LMO3: variants seen among roughly 807,000 people sequenced by gnomAD.
LMO3 encodes the protein LIM domain only protein 3.
Under a neutral mutation model 15.8 loss-of-function variants are expected in LMO3, and 2 were observed. The ratio of observed to expected loss-of-function variants is 0.13; its 90% CI spans 0.05 to 0.40. The LOEUF (loss-of-function observed/expected upper bound fraction) is 0.40. Among genes scored for constraint, LMO3 ranks in the 10% least tolerant of loss-of-function variants. The pLI, the probability that LMO3 is intolerant of heterozygous loss-of-function variation, is 0.99. For synonymous variants in LMO3, 62 were observed against 63.8 expected (o/e 0.97, Z 0.13); for missense variants, 86 against 182.2 (o/e 0.47, Z 3.04).
In LMO3 at chr12:16,549,617, C is replaced by G. The variant is rs1464386884; in HGVS notation, c.*1605G>C. 6.6e-6 allele frequency: 1 copy of G among 152,256 alleles called. No individual in the cohort carries two copies. The highest frequency in any genetic ancestry group is 2.4e-5 in the African/African-American group (1 of 41,362). 9.4% of individuals were successfully genotyped at this position (152,256 alleles called of 1,614,324 possible). On this transcript the variant is annotated 3_prime_UTR_variant, in exon 4 of 4. Transcript: ENST00000537304. ...AAATAACACTGGAAAATATTGTTTC[C>G]TATACAAGTGATCAAGAAAAAAACA...
chr12:16,609,793 AC>A (rs1265561644), upstream of LMO3: 1 of 152,170 alleles, frequency 6.6e-6, no homozygotes, highest in Non-Finnish European at 1.5e-5. Context: ...ATTTCTAAAC[AC>A]GTCTTCAAGT....
At chr12:16,558,878 G>C (rs1242743724) in intron 3 of LMO3, among the ~76,000 whole-genome samples, 2 of 152,134 alleles carry the variant, frequency 1.3e-5, no homozygotes, top group African/African-American at 4.8e-5. Context: ...TTTCATTTAA[G>C]TTTCAAACTC....
At chr12:16,552,142 G>T (rs925012506) in intron 3 of LMO3, among the ~76,000 whole-genome samples, 3 of 151,910 alleles carry the variant, frequency 2.0e-5, no homozygotes, top group Non-Finnish European at 2.9e-5. Context: ...ATTTCCCCAC[G>T]GTGACACTTT....
rs772986612 is a variant in LMO3, at chr12:16,584,540, A to T, written c.206+16115T>A. ...AAATATACAGAGAATGAGGAAAGGA[A>T]TGGAAACAAGAGACGTTTTAGATTA... On this transcript the variant is annotated intron_variant, in intron 2 of 3. Transcript: ENST00000537304. This position sits in a 1 kb window ranked among gnomAD's most constrained non-coding sequence, Gnocchi z 5.2. 1.2e-4 allele frequency among the ~76,000 whole-genome samples: 19 copies of T among 152,040 alleles called. No individual in the cohort carries two copies. Among genetic ancestry groups the T allele is most frequent in the Non-Finnish European group, 2.6e-4 (18 of 67,988 alleles).
At chr12:16,605,823 G>T in intron 1 of LMO3, 1 of 1,535,364 alleles carries the variant, frequency 6.5e-7, no homozygotes, top group Non-Finnish European at 8.7e-7. Flanking sequence ...TCTTCCGCCT[G>T]CATCTATTTC....
intron 2 of LMO3, among the ~76,000 whole-genome samples, chr12:16,575,972 GAACTT>G (rs998961797): frequency 6.6e-6 from 1 of 152,066 alleles, no homozygotes; most frequent in African/African-American, 2.4e-5. Flanking sequence ...CACAGGTCTT[GAACTT>G]AACTTTGAAT....
intron 2 of LMO3, among the ~76,000 whole-genome samples, chr12:16,588,933 G>A (rs1275178057): frequency 6.6e-6 from 1 of 151,402 alleles, no homozygotes; most frequent in Non-Finnish European, 1.5e-5. Context: ...AATGTGTACC[G>A]CTCTTTCCCT....
intron 2 of LMO3, chr12:16,600,452 C>T (rs956545216): frequency 1.7e-6 from 1 of 575,222 alleles, no homozygotes; most frequent in Admixed American, 3.1e-5. Flanking sequence ...AATTGAAATA[C>T]TTTAAATATT....
rs1235824846 is a variant in LMO3 at position 16,591,433 on chromosome 12, A to T, written c.206+9222T>A. ...TCTTGTACTGCTTCATTTTCTCCTC[A>T]TTGTGTTTATCATCTCCTCATGCCC... On this transcript the variant is annotated intron_variant, in intron 2 of 3. Transcript: ENST00000537304. The surrounding 1 kb of genome is among the most constrained non-coding windows in gnomAD (Gnocchi z 4.1). Among the ~76,000 whole-genome samples the T allele has an allele frequency of 6.6e-6, 1 of 151,854 alleles. No homozygotes were observed. The highest frequency in any genetic ancestry group is 1.5e-5 in the Non-Finnish European group (1 of 67,928).
chr12:16,552,756 C>A (rs1942037380), intron 3 of LMO3, among the ~76,000 whole-genome samples: 1 of 152,036 alleles, frequency 6.6e-6, no homozygotes, highest in African/African-American at 2.4e-5. Context: ...GTGGTCAAAG[C>A]TACTGGATAC....
chr12:16,608,309 T>C (rs577880610), upstream of LMO3: 1 of 152,232 alleles, frequency 6.6e-6, no homozygotes, highest in Non-Finnish European at 1.5e-5. This position sits in a 1 kb window ranked among gnomAD's most constrained non-coding sequence, Gnocchi z 4.1. Flanking sequence ...ATTAAATTAA[T>C]TATGTTCAAG....
At position 16,584,563 on chromosome 12, in the gene LMO3, T is replaced by G. The variant is rs983249480; in HGVS notation, c.206+16092A>C. On this transcript the variant is annotated intron_variant, in intron 2 of 3. Coordinates refer to ENST00000537304, the MANE Select transcript of LMO3 (RefSeq NM_018640.5). This position sits in a 1 kb window ranked among gnomAD's most constrained non-coding sequence, Gnocchi z 5.2. ...GAATGGAAACAAGAGACGTTTTAGA[T>G]TAACATTGGCAAGTGGAGGAGTGGG... is the stretch of plus-strand genomic sequence containing the variant. Among the ~76,000 whole-genome samples, 1 of 151,710 alleles carries G rather than the reference T, an allele frequency of 6.6e-6. No homozygotes were observed. Among genetic ancestry groups the G allele is most frequent in the African/African-American group, 2.4e-5 (1 of 41,070 alleles).
intron 2 of LMO3, among the ~76,000 whole-genome samples, chr12:16,574,641 A>G (rs1942934875): frequency 6.6e-6 from 1 of 152,174 alleles, no homozygotes; most frequent in Admixed American, 6.6e-5. Context: ...TACTGACACA[A>G]TGGAGCTAAT....
upstream of LMO3, chr12:16,607,117 A>G (rs548651249): frequency 2.0e-5 from 3 of 152,270 alleles, no homozygotes; most frequent in Non-Finnish European, 4.4e-5. Flanking sequence ...GCTGCTCCGC[A>G]AGTCCGCCAC....
At chr12:16,577,468 A>G (rs1298674975) in intron 2 of LMO3, among the ~76,000 whole-genome samples, 2 of 152,114 alleles carry the variant, frequency 1.3e-5, no homozygotes, top group African/African-American at 4.8e-5. Flanking sequence ...GCATTCCTAA[A>G]TATATTATTC....
At chr12:16,562,920 G>T (rs1366803702) in intron 2 of LMO3, among the ~76,000 whole-genome samples, 2 of 152,164 alleles carry the variant, frequency 1.3e-5, no homozygotes, top group East Asian at 3.9e-4. Flanking sequence ...CTTCCAATTT[G>T]TTGCCCTCCA....
chr12:16,583,521 A>T (rs1416727027), intron 2 of LMO3, among the ~76,000 whole-genome samples: 1 of 152,222 alleles, frequency 6.6e-6, no homozygotes, highest in Non-Finnish European at 1.5e-5. Context: ...GGAGCCAAGG[A>T]CATAAAATTG....
In LMO3 at chr12:16,594,671, C is replaced by T. The variant is rs536334560; in HGVS notation, c.206+5984G>A. Among the ~76,000 whole-genome samples the T allele has an allele frequency of 3.6e-4, 54 of 151,680 alleles. No homozygotes were observed. In the South Asian group the frequency reaches 4.1e-3, roughly 12 times the overall value. On this transcript the variant is annotated intron_variant, in intron 2 of 3. Coordinates refer to ENST00000537304, the MANE Select transcript of LMO3 (RefSeq NM_018640.5). ...CACAGTGTAATGAAGGGAAATACAA[C>T]GGTCATTTAGGTTGGTGCAATTCTT...
rs1490298942 is a variant in LMO3, at chr12:16,548,842, C to T, written c.*2380G>A. 1 of 152,010 alleles carries T rather than the reference C, an allele frequency of 6.6e-6. No homozygotes were observed. The highest frequency in any genetic ancestry group is 1.5e-5 in the Non-Finnish European group (1 of 67,990). The allele number at this position is 152,010 out of a possible 1,614,324, so 9.4% of individuals were successfully genotyped here. A position where few individuals can be genotyped will look rare whatever the true frequency, so the allele number is the denominator to read the frequency against. On this transcript the variant is annotated 3_prime_UTR_variant, in exon 4 of 4. Transcript: ENST00000537304. The surrounding 1 kb of genome is among the most constrained non-coding windows in gnomAD (Gnocchi z 4.2). ...TAAAGATAATCTAAACAGATTAAGG[C>T]CTTAATCTTTAATCCAGGTGAGTAA...
Sources: allele counts gnomAD v4.1 joint callset (sites outside exome capture counted in the v4.1 genomes callset), GRCh38; gene constraint gnomAD v4.1.1; non-coding constraint Gnocchi (gnomAD v3.1); transcripts MANE v1.5; gene names NCBI Gene and HGNC (gene_info 2026-07-23, HGNC 2026-07-21).